KIF21A: variants seen among roughly 807,000 people sequenced by gnomAD.
KIF21A encodes kinesin family member 21A.
KIF21A carries 114 observed loss-of-function variants against 202.9 expected under a neutral mutation model. That is an observed-to-expected ratio of 0.56 (90% CI 0.48 to 0.66). The LOEUF (loss-of-function observed/expected upper bound fraction) is 0.66, where lower values mean the gene tolerates loss of function less well. Ranked by LOEUF, KIF21A falls within the 30% of genes least tolerant of loss-of-function variation. The probability of loss-of-function intolerance (pLI) is 0.00; values close to 1 mark genes in which losing one functional copy is unlikely to be tolerated. For missense variants in KIF21A, 1,677 were observed against 1,994.9 expected, an observed-to-expected ratio of 0.84 and a Z score of 3.04; for synonymous variants, 667 against 670.8, an observed-to-expected ratio of 0.99 and a Z score of 0.09.
At chr12:39,342,267 T>A in intron 12 of KIF21A, 143 bp from the exon 13 acceptor site, 1 of 672,576 alleles carries the variant, frequency 1.5e-6, no homozygotes, top group Non-Finnish European at 2.7e-6. Context: ...AGCTATTCTA[T>A]CTGATGCTTC....
chr12:39,391,442 G>A (rs1951344024), intron 1 of KIF21A, among the ~76,000 whole-genome samples: 1 of 152,026 alleles, frequency 6.6e-6, no homozygotes, highest in African/African-American at 2.4e-5. Flanking sequence ...GGAGGTTTAA[G>A]ACATTTGGTT....
Position 39,330,825 on chromosome 12 carries a change from G to A in KIF21A, c.3240C>T (p.Asn1080=), listed in dbSNP as rs1457631420. Residue 1080 remains asparagine (N), a synonymous_variant, in exon 23 of 38, where the codon AAC becomes AAT. Transcript: ENST00000361418. ...CTTTCAACATATGGAATAAGAGCTG[G>A]TTTTGGGTAGCACTGGTTATTTCTG... The part of the protein sequence containing the change: ...KQTEITSATQ[N]QLLFHMLKEK... 1.2e-6 allele frequency: 2 copies of A among 1,613,948 alleles called. No homozygotes were observed. Among genetic ancestry groups the A allele is most frequent in the South Asian group, 2.2e-5 (2 of 91,064 alleles).
intron 34 of KIF21A, among the ~76,000 whole-genome samples, chr12:39,306,214 T>C (rs1943459797): frequency 1.3e-5 from 2 of 152,262 alleles, no homozygotes; most frequent in Non-Finnish European, 2.9e-5. Context: ...ACTTAATTAG[T>C]AGCATCTTGC....
chr12:39,379,686 T>C (rs1046530726), intron 1 of KIF21A, among the ~76,000 whole-genome samples: 4 of 152,180 alleles, frequency 2.6e-5, no homozygotes, highest in Admixed American at 1.3e-4. Flanking sequence ...GAATGTTTAC[T>C]GTCCTGATTC....
chr12:39,296,000 G>C (rs899210207), intron 37 of KIF21A, among the ~76,000 whole-genome samples: 1 of 142,520 alleles, frequency 7.0e-6, no homozygotes, highest in Non-Finnish European at 1.5e-5. Context: ...GTCCACCCTG[G>C]GATATGGTTT....
chr12:39,413,502 T>A (rs1193440700), intron 1 of KIF21A, among the ~76,000 whole-genome samples: 1 of 152,260 alleles, frequency 6.6e-6, no homozygotes, highest in Non-Finnish European at 1.5e-5. Context: ...ACCTCACTTC[T>A]TTATTCTAAA....
At chr12:39,351,721 T>G (rs1342529259) in intron 11 of KIF21A, 56 bp downstream of exon 11, 12 of 1,108,730 alleles carry the variant, frequency 1.1e-5, no homozygotes, top group Non-Finnish European at 1.6e-5. Context: ...AATTGCAAAT[T>G]AAAATACCCT....
At chr12:39,335,410 CAAAA>C in intron 17 of KIF21A, among the ~76,000 whole-genome samples, 1 of 61,970 alleles carries the variant, frequency 1.6e-5, no homozygotes, top group South Asian at 5.7e-4. Context: ...GACTCTGTCT[CAAAA>C]AAAAAAAAAA....
chr12:39,418,537 G>A (rs1000532197), intron 1 of KIF21A, among the ~76,000 whole-genome samples: 2 of 152,250 alleles, frequency 1.3e-5, no homozygotes, highest in South Asian at 2.1e-4. Context: ...ATAAACATCC[G>A]AGTGTTTGGG....
At chr12:39,298,807 G>A (rs1376900945) in intron 37 of KIF21A, among the ~76,000 whole-genome samples, 1 of 152,054 alleles carries the variant, frequency 6.6e-6, no homozygotes, top group African/African-American at 2.4e-5. Context: ...AATGATATCA[G>A]ATCCAGAAAT....
intron 1 of KIF21A, among the ~76,000 whole-genome samples, chr12:39,427,793 A>G (rs552237792): frequency 1.3e-5 from 2 of 152,152 alleles, no homozygotes; most frequent in Admixed American, 1.3e-4. Flanking sequence ...TGAGTAGCTG[A>G]GATTACAGGT....
At position 39,316,025 on chromosome 12, in the gene KIF21A, G is replaced by A. The variant is rs963033885; in HGVS notation, c.3909-55C>T. The A allele has an allele frequency of 1.1e-5, 13 of 1,225,398 alleles. No individual in the cohort carries two copies. The Admixed American group carries it at 2.2e-4, about 21-fold the overall frequency. The allele number at this position is 1,225,398 out of a possible 1,614,324, so 75.9% of individuals were successfully genotyped here. On this transcript the variant is annotated intron_variant, in intron 29 of 37. Coordinates refer to ENST00000361418, the MANE Select transcript of KIF21A (RefSeq NM_001173464.2). ...AAAGAATACAGATGTCAACAGGTAA[G>A]GACACTGACTTTGGACTCAAAATCA... is the stretch of plus-strand genomic sequence containing the variant.
At chr12:39,390,470 T>C (rs1951267208) in intron 1 of KIF21A, among the ~76,000 whole-genome samples, 1 of 152,116 alleles carries the variant, frequency 6.6e-6, no homozygotes, top group Non-Finnish European at 1.5e-5. Flanking sequence ...AGGTAGTCTT[T>C]ATTTAGGAGA....
chr12:39,337,589 A>G (rs1947089733), intron 16 of KIF21A: 1 of 223,260 alleles, frequency 4.5e-6, no homozygotes, highest in East Asian at 1.2e-4. Context: ...GAATTCAACC[A>G]GTTAACACCC....
At chr12:39,341,419 T>C in intron 14 of KIF21A, 86 bp downstream of exon 14, 2 of 1,322,168 alleles carry the variant, frequency 1.5e-6, no homozygotes, top group Admixed American at 1.8e-5. Context: ...TCATCAAGTA[T>C]GAAATAGAGA....
chr12:39,422,589 AC>A (rs1954390841), intron 1 of KIF21A, among the ~76,000 whole-genome samples: 3 of 152,198 alleles, frequency 2.0e-5, no homozygotes, highest in Non-Finnish European at 2.9e-5. Flanking sequence ...GTCATGGGAC[AC>A]CTCAAAACTT....
chr12:39,297,478 A>C (rs1436003544), intron 37 of KIF21A, among the ~76,000 whole-genome samples: 1 of 151,794 alleles, frequency 6.6e-6, no homozygotes, highest in Non-Finnish European at 1.5e-5. Flanking sequence ...TCAGTAAACT[A>C]TTGCAAGAAC....
chr12:39,307,667 A>T lies in KIF21A; in HGVS notation c.4340T>A (p.Ile1447Asn). The stretch of plus-strand genomic sequence containing the variant: ...ATTGATCTGGTTCTCTCCAGAAGGA[A>T]TAGCTACTGTTCGACTGGTACTTGC... The part of the protein sequence containing the change: ...CSASTSRTVA[I>N]PSGENQINQI... Residue 1447 changes from isoleucine (I) to asparagine (N), a missense_variant, in exon 34 of 38, where the codon ATT becomes AAT. Around this residue, in one of 3 missense-constraint regions of KIF21A, gnomAD observed 705 missense variants for 791.9 expected, o/e 0.89. Transcript: ENST00000361418. 1 of 1,614,062 alleles carries T rather than the reference A, an allele frequency of 6.2e-7. No homozygotes were observed. Among genetic ancestry groups the T allele is most frequent in the South Asian group, 1.1e-5 (1 of 91,074 alleles).
At position 39,417,885 on chromosome 12, in the gene KIF21A, T is replaced by C. The variant is rs1029037377; in HGVS notation, c.44+25042A>G. 2.6e-5 allele frequency among the ~76,000 whole-genome samples: 4 copies of C among 152,272 alleles called. No individual in the cohort carries two copies. The East Asian group carries it at 5.8e-4, about 22-fold the overall frequency. ...TGGGAATCCAATTTGGTCCAACTTC[T>C]GGGCAATGTCTAATTCTGTCATTTA... On this transcript the variant is annotated intron_variant, in intron 1 of 37. Coordinates refer to ENST00000361418, the MANE Select transcript of KIF21A (RefSeq NM_001173464.2).
Sources: gnomAD v4.1 joint callset for allele counts (sites outside exome capture counted in the v4.1 genomes callset) on GRCh38, gnomAD v4.1.1 for gene constraint, gnomAD v4.1.1 regional missense constraint, MANE v1.5 for transcripts, NCBI Gene and HGNC (gene_info 2026-07-23, HGNC 2026-07-21) for gene names.